MYO9A: variants seen among roughly 807,000 people sequenced by gnomAD.
MYO9A encodes myosin IXA.
A neutral mutation model predicts 293.3 loss-of-function variants in MYO9A; 103 were observed. That is an observed-to-expected ratio of 0.35 (90% CI 0.30 to 0.41). The LOEUF is 0.41. Among genes scored for constraint, MYO9A ranks in the 10% least tolerant of loss-of-function variants. The pLI is 1.00. For missense variants in MYO9A, 2,685 were observed against 3,033.0 expected, an observed-to-expected ratio of 0.89 and a Z score of 2.69; for synonymous variants, 1,001 against 1,035.7, an observed-to-expected ratio of 0.97 and a Z score of 0.64.
At chr15:71,843,286 G>A (rs2415124) in intron 39 of MYO9A, among the ~76,000 whole-genome samples, 6,997 of 152,028 alleles carry the variant, frequency 0.046, 492 homozygotes, top group African/African-American at 0.15. Context: ...AAAATTAGCC[G>A]GGCACGGTGG....
intron 1 of MYO9A, among the ~76,000 whole-genome samples, chr15:72,104,817 T>G (rs1362774821): frequency 6.6e-6 from 1 of 152,152 alleles, no homozygotes; most frequent in Non-Finnish European, 1.5e-5. Context: ...ATCCTATACA[T>G]AATCTGAGAT....
rs192290329 is a variant in MYO9A at position 72,036,821 on chromosome 15, T to C, written c.841-4233A>G. On this transcript the variant is annotated intron_variant, in intron 2 of 41. Coordinates refer to ENST00000356056, the MANE Select transcript of MYO9A (RefSeq NM_006901.4). ...CCTCCAACCTCCAGGACTTAAGCAA[T>C]CCTTCCACCTCAGCTTCCTGAGTAG... The C allele has an allele frequency of 2.0e-5, 3 of 152,020 alleles. No individual in the cohort carries two copies. The East Asian group carries it at 5.9e-4, about 30-fold the overall frequency. The allele number at this position is 152,020 out of a possible 1,614,324, so 9.4% of individuals were successfully genotyped here. A position where few individuals can be genotyped will look rare whatever the true frequency, so the allele number is the denominator to read the frequency against.
At chr15:72,016,603 T>G (rs1314540065) in intron 6 of MYO9A, among the ~76,000 whole-genome samples, 2 of 152,226 alleles carry the variant, frequency 1.3e-5, no homozygotes, top group Admixed American at 1.3e-4. Context: ...AAAGTTTAGT[T>G]TGTCCCCAAA....
intron 34 of MYO9A, among the ~76,000 whole-genome samples, chr15:71,857,457 G>A (rs544338167): frequency 2.0e-5 from 3 of 152,212 alleles, no homozygotes; most frequent in Non-Finnish European, 4.4e-5. Context: ...ATATTACCAA[G>A]CAGTTTAAAA....
chr15:72,114,972 G>A (rs757592683), intron 1 of MYO9A, among the ~76,000 whole-genome samples: 9 of 152,006 alleles, frequency 5.9e-5, no homozygotes, highest in Non-Finnish European at 1.3e-4. Context: ...AAATGATTAG[G>A]AAAGATGGAG....
chr15:72,057,099 C>A (rs1221139424), intron 1 of MYO9A, among the ~76,000 whole-genome samples: 5 of 150,866 alleles, frequency 3.3e-5, no homozygotes, highest in African/African-American at 1.2e-4. Flanking sequence ...AAGAGCAAGA[C>A]TCTGTCTCAG....
intron 1 of MYO9A, among the ~76,000 whole-genome samples, chr15:72,099,758 C>T (rs1476102420): frequency 6.6e-6 from 1 of 150,458 alleles, no homozygotes; most frequent in Non-Finnish European, 1.5e-5. Context: ...AAAAATTGGT[C>T]GGGCATGGTG....
intron 32 of MYO9A, among the ~76,000 whole-genome samples, chr15:71,874,686 A>G (rs1228728371): frequency 6.6e-6 from 1 of 152,200 alleles, no homozygotes; most frequent in Non-Finnish European, 1.5e-5. Context: ...ACTGCTGTTG[A>G]TAGCAGTGGA....
At chr15:71,837,131 G>C (rs1210369848) in intron 39 of MYO9A, among the ~76,000 whole-genome samples, 2 of 152,022 alleles carry the variant, frequency 1.3e-5, no homozygotes, top group African/African-American at 4.8e-5. Context: ...TTTCTGAGTT[G>C]AGTTTGGCAA....
chr15:71,900,154 GC>G, intron 23 of MYO9A, 148 bp from the exon 24 acceptor site: 1 of 850,016 alleles, frequency 1.2e-6, no homozygotes, highest in Non-Finnish European at 1.8e-6. Flanking sequence ...AAGTTTTCTG[GC>G]CAGGTGCGGT....
At chr15:72,021,099 T>A in intron 4 of MYO9A, 82 bp from the exon 5 acceptor site, 1 of 807,584 alleles carries the variant, frequency 1.2e-6, no homozygotes, top group East Asian at 3.0e-5. Context: ...AAGCAAACAG[T>A]AATTAGTAAA....
At chr15:72,065,492 GC>G (rs1330474063) in intron 1 of MYO9A, among the ~76,000 whole-genome samples, 1 of 143,566 alleles carries the variant, frequency 7.0e-6, no homozygotes, top group East Asian at 2.0e-4. Context: ...TCCACCCTGG[GC>G]AACAAGAGCA....
chr15:72,015,851 C>T (rs575970636), intron 6 of MYO9A, among the ~76,000 whole-genome samples: 1 of 152,028 alleles, frequency 6.6e-6, no homozygotes, highest in African/African-American at 2.4e-5. Flanking sequence ...CCACATCCAG[C>T]TAATTTTTTG....
At chr15:71,999,786 A>C in intron 9 of MYO9A, 65 bp downstream of exon 9, 5 of 1,368,630 alleles carry the variant, frequency 3.7e-6, no homozygotes, top group Non-Finnish European at 4.0e-6. Context: ...GAGAAAACCC[A>C]AACTTCAAAC....
chr15:72,086,002 T>C lies in MYO9A; in HGVS notation c.-72+31678A>G, dbSNP rs1182110878. 4.6e-5 allele frequency among the ~76,000 whole-genome samples: 7 copies of C among 152,280 alleles called. 1 individual carries two copies. The South Asian group carries it at 1.5e-3, about 32-fold the overall frequency. ...TGGCTCCTCAATGTTAGGAACCCAC[T>C]GCACTGGGGGTAGGAGGGTGTCAAG... is the stretch of plus-strand genomic sequence containing the variant. On this transcript the variant is annotated intron_variant, in intron 1 of 41. Transcript: ENST00000356056.
intron 1 of MYO9A, among the ~76,000 whole-genome samples, chr15:72,083,225 A>G (rs1023964376): frequency 2.0e-5 from 3 of 152,124 alleles, no homozygotes; most frequent in African/African-American, 4.8e-5. Flanking sequence ...CAGAGATCCA[A>G]TTTCTTCCTG....
At chr15:71,936,848 C>T (rs756277335) in intron 16 of MYO9A, among the ~76,000 whole-genome samples, 32 of 151,266 alleles carry the variant, frequency 2.1e-4, no homozygotes, top group Non-Finnish European at 3.4e-4. Context: ...TGTGTCTTCC[C>T]AAATGGGAGA....
At chr15:71,920,782 T>C (rs2058135526) in intron 18 of MYO9A, among the ~76,000 whole-genome samples, 1 of 151,624 alleles carries the variant, frequency 6.6e-6, no homozygotes, top group South Asian at 2.1e-4. Context: ...ACCCTGTCTC[T>C]AGTGGAAAAA....
intron 1 of MYO9A, among the ~76,000 whole-genome samples, chr15:72,056,243 AC>A (rs1194144345): frequency 2.0e-5 from 3 of 152,126 alleles, no homozygotes; most frequent in Admixed American, 6.5e-5. Flanking sequence ...CTGAGTACCT[AC>A]CCAGAGAAAA....
Sources: allele counts gnomAD v4.1 joint callset (sites outside exome capture counted in the v4.1 genomes callset), GRCh38; gene constraint gnomAD v4.1.1; transcripts MANE v1.5; gene names NCBI Gene and HGNC (gene_info 2026-07-23, HGNC 2026-07-21).